The following MAF variants were observed in gnomAD, a reference collection of about 807,000 sequenced individuals.
MAF encodes the protein transcription factor Maf.
Under a neutral mutation model 22.0 loss-of-function variants are expected in MAF, and 10 were observed. That is an observed-to-expected ratio of 0.45 (90% CI 0.28 to 0.77). The LOEUF (loss-of-function observed/expected upper bound fraction) is 0.77. Among genes scored for constraint, MAF ranks in the 30% least tolerant of loss-of-function variants. The probability of loss-of-function intolerance (pLI) is 0.12; values close to 1 mark genes in which losing one functional copy is unlikely to be tolerated. For missense variants in MAF, 544 were observed against 548.4 expected (o/e 0.99, Z 0.08); for synonymous variants, 337 against 255.8 (o/e 1.32, Z -3.03).
the MAF span, among the ~76,000 whole-genome samples, chr16:79,539,403 C>T: frequency 1.3e-5 from 2 of 152,084 alleles, no homozygotes; most frequent in East Asian, 1.9e-4. Context: ...CTAGAGGGGG[C>T]TGAGGCAAGA....
the MAF span, among the ~76,000 whole-genome samples, chr16:79,327,592 C>T: frequency 1.3e-5 from 2 of 152,044 alleles, no homozygotes; most frequent in Admixed American, 1.3e-4. Flanking sequence ...CAGGGTGGCC[C>T]AAAAGTAACT....
the MAF span, among the ~76,000 whole-genome samples, chr16:79,470,289 A>G: frequency 1.1e-4 from 16 of 152,152 alleles, no homozygotes; most frequent in Admixed American, 2.0e-4. Flanking sequence ...ATCCTTGCCA[A>G]TGAGGACGCC....
chr16:79,398,664 G>T, the MAF span, among the ~76,000 whole-genome samples: 8 of 151,542 alleles, frequency 5.3e-5, no homozygotes, highest in Admixed American at 5.3e-4. Context: ...ATGCTACATT[G>T]ACACAAGGCT....
chr16:79,408,466 G>A, the MAF span, among the ~76,000 whole-genome samples: 6 of 152,068 alleles, frequency 3.9e-5, no homozygotes, highest in South Asian at 2.1e-4. Context: ...GTGAGCCACC[G>A]CACCCAGCCA....
chr16:79,587,532 G>A (rs1389614608), intron 1 of MAF, among the ~76,000 whole-genome samples: 1 of 151,944 alleles, frequency 6.6e-6, no homozygotes, highest in Non-Finnish European at 1.5e-5. Flanking sequence ...AATTCCTTGG[G>A]GACGTTGCAA....
chr16:79,217,986 T>TAAAAAAAAA, the MAF span, among the ~76,000 whole-genome samples: 12 of 52,126 alleles, frequency 2.3e-4, no homozygotes, highest in South Asian at 1.5e-3. Flanking sequence ...GAAGCTTATG[T>TAAAAAAAAA]AAAAAAAAAA....
the MAF span, among the ~76,000 whole-genome samples, chr16:79,375,771 A>G: frequency 6.6e-6 from 1 of 152,142 alleles, no homozygotes; most frequent in South Asian, 2.1e-4. Flanking sequence ...CAATGAAATA[A>G]TCACCCTTTT....
At chr16:79,397,746 C>A in the MAF span, among the ~76,000 whole-genome samples, 1 of 152,048 alleles carries the variant, frequency 6.6e-6, no homozygotes. Context: ...ATCCTTGGGG[C>A]CAGGCTGGCT....
the MAF span, among the ~76,000 whole-genome samples, chr16:79,361,570 C>T: frequency 6.6e-6 from 1 of 152,198 alleles, no homozygotes; most frequent in African/African-American, 2.4e-5. Context: ...AACATTACAC[C>T]TCTCTAAAAG....
the MAF span, among the ~76,000 whole-genome samples, chr16:79,384,761 A>T: frequency 6.6e-6 from 1 of 152,146 alleles, no homozygotes; most frequent in Non-Finnish European, 1.5e-5. Context: ...TGTCTCAAAA[A>T]AAATAAAATA....
At chr16:79,492,243 G>A in the MAF span, among the ~76,000 whole-genome samples, 4 of 152,118 alleles carry the variant, frequency 2.6e-5, no homozygotes, top group African/African-American at 4.8e-5. Flanking sequence ...TATGAGACCC[G>A]CCTGGGGCTG....
At chr16:79,369,941 G>A in the MAF span, among the ~76,000 whole-genome samples, 4 of 152,224 alleles carry the variant, frequency 2.6e-5, no homozygotes, top group Admixed American at 6.5e-5. Context: ...TTCCCCCACA[G>A]AGGGCCTCTC....
At chr16:79,243,361 C>A in the MAF span, among the ~76,000 whole-genome samples, 4 of 151,126 alleles carry the variant, frequency 2.6e-5, no homozygotes, top group African/African-American at 9.7e-5. Flanking sequence ...CAAATAATTG[C>A]AATAAAAAAT....
At chr16:79,319,424 A>C in the MAF span, among the ~76,000 whole-genome samples, 1 of 152,240 alleles carries the variant, frequency 6.6e-6, no homozygotes, top group South Asian at 2.1e-4. Flanking sequence ...ATAAAGCAGA[A>C]GGTTGATAAA....
chr16:79,326,946 G>A, the MAF span, among the ~76,000 whole-genome samples: 124 of 152,304 alleles, frequency 8.1e-4, no homozygotes, highest in African/African-American at 2.9e-3. Flanking sequence ...GGATAAGCTG[G>A]ATTTTGGTCC....
chr16:79,232,901 C>T, the MAF span, among the ~76,000 whole-genome samples: 2 of 142,642 alleles, frequency 1.4e-5, no homozygotes, highest in Non-Finnish European at 1.5e-5. Flanking sequence ...AGTGCAGTGG[C>T]ACCATCTTGG....
the MAF span, among the ~76,000 whole-genome samples, chr16:79,535,516 C>T: frequency 1.3e-5 from 2 of 150,426 alleles, no homozygotes; most frequent in African/African-American, 4.9e-5. Context: ...GTATTAACAC[C>T]ATTTTTCCCA....
At chr16:79,449,715 T>C in the MAF span, among the ~76,000 whole-genome samples, 1 of 152,162 alleles carries the variant, frequency 6.6e-6, no homozygotes, top group Non-Finnish European at 1.5e-5. Flanking sequence ...TGGGATTCAG[T>C]TTCTCCATGT....
the MAF span, among the ~76,000 whole-genome samples, chr16:79,478,128 C>G: frequency 6.6e-6 from 1 of 152,210 alleles, no homozygotes; most frequent in Non-Finnish European, 1.5e-5. Flanking sequence ...CTCCAGACTA[C>G]TGAGTAGTGA....
Sources: gnomAD v4.1 joint callset for allele counts (sites outside exome capture counted in the v4.1 genomes callset) on GRCh38, gnomAD v4.1.1 for gene constraint, MANE v1.5 for transcripts, NCBI Gene and HGNC (gene_info 2026-07-23, HGNC 2026-07-21) for gene names.